Variants in CAST observed in about 807,000 individuals in gnomAD.
CAST encodes the protein MIR583 host.
CAST carries 76 observed loss-of-function variants against 119.6 expected under a neutral mutation model. That is an observed-to-expected ratio of 0.64 (90% CI 0.53 to 0.77). CAST has a LOEUF of 0.77. CAST is among the 30% of genes least tolerant of loss of function. The pLI is 0.00. For missense variants in CAST, 953 were observed against 946.5 expected (o/e 1.01, Z -0.09); for synonymous variants, 319 against 331.6 (o/e 0.96, Z 0.41).
At chr5:96,524,603 A>C (rs1357734950), upstream of CAST, among the ~76,000 whole-genome samples, 1 of 152,182 alleles carries the variant, frequency 6.6e-6, no homozygotes, top group Non-Finnish European at 1.5e-5. Context: ...CCAACCTTGG[A>C]AATGGTTCCT....
chr5:96,364,102 T>G, the CAST span, among the ~76,000 whole-genome samples: 2 of 152,342 alleles, frequency 1.3e-5, no homozygotes, highest in African/African-American at 4.8e-5. Context: ...ATCTGGTTTT[T>G]GTCTTTGGTT....
chr5:96,087,991 C>A, the CAST span, among the ~76,000 whole-genome samples: 1 of 152,292 alleles, frequency 6.6e-6, no homozygotes, highest in Admixed American at 6.5e-5. Context: ...AAACAACTCC[C>A]AACAATGCCT....
chr5:96,490,321 C>T, the CAST span, among the ~76,000 whole-genome samples: 2 of 150,990 alleles, frequency 1.3e-5, no homozygotes, highest in East Asian at 3.9e-4. Context: ...ATACAAATTT[C>T]AGCAGAGGGG....
chr5:96,578,283 A>AT (rs71617127), intron 1 of CAST, among the ~76,000 whole-genome samples: 8,641 of 145,664 alleles, frequency 0.059, 773 homozygotes, highest in East Asian at 0.32. Flanking sequence ...ATCTTTTTCC[A>AT]TTTTTTTTTT....
upstream of CAST, among the ~76,000 whole-genome samples, chr5:96,659,719 G>C (rs151236451): frequency 6.6e-6 from 1 of 151,982 alleles, no homozygotes; most frequent in Non-Finnish European, 1.5e-5. Context: ...TAGTAGAGAC[G>C]GGGTTTCGTC....
intron 22 of CAST, among the ~76,000 whole-genome samples, chr5:96,757,011 A>G (rs943761882): frequency 3.3e-5 from 5 of 152,250 alleles, no homozygotes; most frequent in African/African-American, 4.8e-5. Flanking sequence ...TAGTCCTTGC[A>G]TATGAGTTAG....
chr5:96,266,373 G>T, the CAST span, among the ~76,000 whole-genome samples: 9 of 152,130 alleles, frequency 5.9e-5, no homozygotes, highest in Non-Finnish European at 1.0e-4. Context: ...TGAACCCACA[G>T]GAAGCATCAG....
chr5:96,130,287 C>T, the CAST span, among the ~76,000 whole-genome samples: 111 of 151,954 alleles, frequency 7.3e-4, 1 homozygote, highest in African/African-American at 2.4e-3. Flanking sequence ...TCCCAATTTA[C>T]GGATATTCTA....
chr5:96,108,881 G>A, the CAST span, among the ~76,000 whole-genome samples: 5 of 152,204 alleles, frequency 3.3e-5, no homozygotes, highest in South Asian at 2.1e-4. Context: ...GCGAGACTCC[G>A]TGGGCATAGG....
At chr5:96,017,608 A>G in the CAST span, among the ~76,000 whole-genome samples, 1 of 152,230 alleles carries the variant, frequency 6.6e-6, no homozygotes, top group Admixed American at 6.5e-5. Flanking sequence ...TGGTAGTTAT[A>G]TAACACTTGA....
At chr5:96,619,440 G>C (rs994596376) in intron 1 of CAST, among the ~76,000 whole-genome samples, 7 of 152,160 alleles carry the variant, frequency 4.6e-5, no homozygotes, top group African/African-American at 1.7e-4. Context: ...CTGTAAAATG[G>C]ACCAATCAGC....
At chr5:95,997,966 T>TC in the CAST span, among the ~76,000 whole-genome samples, 138 of 129,496 alleles carry the variant, frequency 1.1e-3, 2 homozygotes, top group East Asian at 0.041. Context: ...AGAGAGGGTT[T>TC]TTTTTTTTTT....
At chr5:96,169,617 G>A in the CAST span, among the ~76,000 whole-genome samples, 9 of 152,272 alleles carry the variant, frequency 5.9e-5, no homozygotes, top group Non-Finnish European at 8.8e-5. Flanking sequence ...TTTAAAGCGT[G>A]CTGTGGGATG....
intron 1 of CAST, among the ~76,000 whole-genome samples, chr5:96,610,453 C>T (rs938333317): frequency 2.6e-5 from 4 of 152,106 alleles, no homozygotes; most frequent in Non-Finnish European, 5.9e-5. Context: ...AAAAGGCATT[C>T]GATAAAATCC....
At chr5:96,573,284 G>GT (rs367571543) in intron 1 of CAST, among the ~76,000 whole-genome samples, 1,571 of 151,612 alleles carry the variant, frequency 0.01, 34 homozygotes, top group African/African-American at 0.034. Flanking sequence ...ATTTTTTCTT[G>GT]TTTTTTTTGT....
chr5:96,687,104 A>G (rs1334481018), intron 2 of CAST, among the ~76,000 whole-genome samples: 2 of 152,224 alleles, frequency 1.3e-5, no homozygotes, highest in Admixed American at 1.3e-4. Context: ...AAAAGGAAAC[A>G]TCAGGGATAA....
chr5:96,334,855 T>A, the CAST span, among the ~76,000 whole-genome samples: 1 of 152,092 alleles, frequency 6.6e-6, no homozygotes, highest in Non-Finnish European at 1.5e-5. Context: ...ACAGTATAAA[T>A]GCAATATCAA....
At chr5:96,392,918 C>T in the CAST span, 19 of 1,399,040 alleles carry the variant, frequency 1.4e-5, no homozygotes, top group Middle Eastern at 1.8e-4. Context: ...GAATTCATGA[C>T]AAAACAACCA....
At chr5:96,181,945 A>G in the CAST span, among the ~76,000 whole-genome samples, 3 of 152,242 alleles carry the variant, frequency 2.0e-5, no homozygotes, top group African/African-American at 7.2e-5. Context: ...GGAAAGCCTC[A>G]GTGGCACCAG....
Sources: allele counts gnomAD v4.1 joint callset (sites outside exome capture counted in the v4.1 genomes callset), GRCh38; gene constraint gnomAD v4.1.1; transcripts MANE v1.5; gene names NCBI Gene and HGNC (gene_info 2026-07-23, HGNC 2026-07-21).